The following HDAC10 variants were observed in gnomAD, a reference collection of about 807,000 sequenced individuals.
HDAC10 encodes polyamine deacetylase HDAC10.
Under a neutral mutation model 82.3 loss-of-function variants are expected in HDAC10, and 90 were observed. The observed-to-expected ratio is 1.09, with a 90% confidence interval of 0.92 to 1.30. The LOEUF (loss-of-function observed/expected upper bound fraction) is 1.30. Among genes scored for constraint, HDAC10 ranks in the 50% most tolerant of loss-of-function variants. The probability of loss-of-function intolerance (pLI) is 0.00; values close to 1 mark genes in which losing one functional copy is unlikely to be tolerated. For synonymous variants in HDAC10, 456 were observed against 391.7 expected (o/e 1.16, Z -1.94); for missense variants, 934 against 876.3 (o/e 1.07, Z -0.83).
chr22:50,248,186 G>A lies in HDAC10; in HGVS notation c.1081+39C>T, dbSNP rs773275555. 22 of 1,601,792 alleles carry A rather than the reference G, an allele frequency of 1.4e-5. No individual in the cohort carries two copies. Among genetic ancestry groups the A allele is most frequent in the Admixed American group, 1.3e-4 (8 of 59,428 alleles). ...AGTCATAGCCACTGCACAGGAGCCC[G>A]AGGTGGGATCCTGCAGCCTAGCACC... On this transcript the variant is annotated intron_variant, in intron 12 of 19. Coordinates refer to ENST00000216271, the MANE Select transcript of HDAC10 (RefSeq NM_032019.6). The surrounding 1 kb of genome is among the most constrained non-coding windows in gnomAD (Gnocchi z 5.4).
rs755579374 is a variant in HDAC10 at position 50,246,919 on chromosome 22, G to GGTGGCTGCTGCAGCAGAGGCTGGA, written c.1446_1469dup (p.Pro483_Thr490dup). ...GGCCTCTCCGAACAGCCACATCCAG[G>GGTGGCTGCTGCAGCAGAGGCTGGA]GTGGCTGCTGCAGCAGAGGCTGGAG... is the stretch of plus-strand genomic sequence containing the variant. On this transcript the variant is annotated inframe_insertion, in exon 15 of 20. Coordinates refer to ENST00000216271, the MANE Select transcript of HDAC10 (RefSeq NM_032019.6). 26 of 1,612,048 alleles carry GGTGGCTGCTGCAGCAGAGGCTGGA rather than the reference G, an allele frequency of 1.6e-5. No individual in the cohort carries two copies. Among genetic ancestry groups the GGTGGCTGCTGCAGCAGAGGCTGGA allele is most frequent in the Non-Finnish European group, 2.1e-5 (25 of 1,179,228 alleles).
At chr22:50,250,579 G>A (rs1411471017) in intron 2 of HDAC10, 56 bp from the exon 3 acceptor site, 19 of 1,439,138 alleles carry the variant, frequency 1.3e-5, no homozygotes, top group Admixed American at 1.7e-5. Flanking sequence ...GCAGGGGGGC[G>A]GGAGGCGGGG....
In HDAC10 at chr22:50,251,250, G is replaced by T. The variant is rs1167371274; in HGVS notation, c.-218C>A. 3 of 479,322 alleles carry T rather than the reference G, an allele frequency of 6.3e-6. No individual in the cohort carries two copies. The highest frequency in any genetic ancestry group is 4.1e-5 in the African/African-American group (2 of 48,978). 29.7% of individuals were successfully genotyped at this position (479,322 alleles called of 1,614,324 possible). The stretch of plus-strand genomic sequence containing the variant: ...CGGAGCGAGGCTGCAGTCGAAGGGG[G>T]AGGCTCCCCGCGCCTGGCTTCCGGC... On this transcript the variant is annotated 5_prime_UTR_variant, in exon 1 of 20. Coordinates refer to ENST00000216271, the MANE Select transcript of HDAC10 (RefSeq NM_032019.6).
At position 50,247,893 on chromosome 22, in the gene HDAC10, GC is replaced by G; in HGVS notation, c.1333del (p.Ala445ProfsTer23). On this transcript the variant is annotated frameshift_variant, in exon 13 of 20. Coordinates refer to ENST00000216271, the MANE Select transcript of HDAC10 (RefSeq NM_032019.6). LOFTEE classifies it high-confidence loss of function. ...SALREETEAWARPHESLAREE... is the reference protein window; with the variant it reads ...SALREETEAWXRPHESLAREE... The stretch of plus-strand genomic sequence containing the variant: ...TCCCCAGGCCAGCCCTGCCCACCTG[GC>G]CCAGGCTTCTGTCTCCTCCCTCAGG... 1 of 1,612,650 alleles carries G rather than the reference GC, an allele frequency of 6.2e-7. No homozygotes were observed. The highest frequency in any genetic ancestry group is 8.5e-7 in the Non-Finnish European group (1 of 1,179,932).
At chr22:50,246,466 C>T in intron 16 of HDAC10, 90 bp from the exon 17 acceptor site, 1 of 1,205,426 alleles carries the variant, frequency 8.3e-7, no homozygotes. Flanking sequence ...ATTCACGGGG[C>T]CATGGGCAGG....
rs776658484 is a variant in HDAC10, at chr22:50,250,869, G to C, written c.96C>G (p.Thr32=). The change falls in exon 2 of 20, where the codon ACC becomes ACG. Residue 32 remains threonine, a synonymous_variant. Transcript: ENST00000216271. ...ECEIERPERL[T]AALDRLRQRG... The stretch of plus-strand genomic sequence containing the variant: ...GCTGCCGCAGGCGATCCAGGGCTGC[G>C]GTCAGGCGCTCAGGACGCTCGATCT... 2.5e-6 allele frequency: 4 copies of C among 1,601,844 alleles called. No individual in the cohort carries two copies. The highest frequency in any genetic ancestry group is 3.4e-6 in the Non-Finnish European group (4 of 1,174,948).
Position 50,250,056 on chromosome 22 carries a change from C to T in HDAC10, c.389+7G>A, listed in dbSNP as rs2065049726. On this transcript the variant is annotated splice_region_variant and intron_variant, in intron 4 of 19. Transcript: ENST00000216271. Reference sequence around the variant, plus strand: ...GAGGAGCAGCCAGGGGAAGGGGCAGCTCTCACCTCACCAGGGCAAGCCCAT... The same window carrying T: ...GAGGAGCAGCCAGGGGAAGGGGCAGTTCTCACCTCACCAGGGCAAGCCCAT... 3.1e-6 allele frequency: 5 copies of T among 1,612,396 alleles called. No individual in the cohort carries two copies. The highest frequency in any genetic ancestry group is 4.2e-6 in the Non-Finnish European group (5 of 1,179,616).
chr22:50,250,689 G>T, intron 2 of HDAC10, 82 bp downstream of exon 2: 1 of 1,420,452 alleles, frequency 7.0e-7, no homozygotes, highest in Non-Finnish European at 9.5e-7. Flanking sequence ...AGGCTGGCAG[G>T]CTCGGGGTAG....
chr22:50,249,829 C>T lies in HDAC10; in HGVS notation c.494+31G>A. On this transcript the variant is annotated intron_variant, in intron 5 of 19. Transcript: ENST00000216271. This position sits in a 1 kb window ranked among gnomAD's most constrained non-coding sequence, Gnocchi z 4.4. ...GCTGCCCCTTGCTGTGTGGCCTGGG[C>T]CCACCCCCCTGCAGCCAGCCTGGCA... 6.2e-7 allele frequency: 1 copy of T among 1,605,804 alleles called. No individual in the cohort carries two copies. Among genetic ancestry groups the T allele is most frequent in the Non-Finnish European group, 8.5e-7 (1 of 1,174,642 alleles).
rs760123141 is a variant in HDAC10 at position 50,248,477 on chromosome 22, G to C, written c.907-5C>G. 6.2e-7 allele frequency: 1 copy of C among 1,602,706 alleles called. No homozygotes were observed. The highest frequency in any genetic ancestry group is 8.5e-7 in the Non-Finnish European group (1 of 1,178,358). ...TGACTCCAGGTGGTAGCCGCCCTGG[G>C]AGGAGGGTGGAGACATGATTGGGGC... is the stretch of plus-strand genomic sequence containing the variant. On this transcript the variant is annotated splice_polypyrimidine_tract_variant and splice_region_variant and intron_variant, in intron 10 of 19. Transcript: ENST00000216271. This position sits in a 1 kb window ranked among gnomAD's most constrained non-coding sequence, Gnocchi z 5.4.
In HDAC10 at chr22:50,248,557, C is replaced by T. The variant is rs546365174; in HGVS notation, c.907-85G>A. 17 of 1,488,612 alleles carry T rather than the reference C, an allele frequency of 1.1e-5. No homozygotes were observed. Among genetic ancestry groups the T allele is most frequent in the Admixed American group, 2.0e-5 (1 of 49,544 alleles). 92.2% of individuals were successfully genotyped at this position (1,488,612 alleles called of 1,614,324 possible). On this transcript the variant is annotated intron_variant, in intron 10 of 19. Transcript: ENST00000216271. This position sits in a 1 kb window ranked among gnomAD's most constrained non-coding sequence, Gnocchi z 5.4. The stretch of plus-strand genomic sequence containing the variant: ...GGAGAGCCCCTGCCTGGCTCTATCC[C>T]GGGCAGGACGCCCCTCCCAAATACC...
chr22:50,246,648 G>A lies in HDAC10; in HGVS notation c.1571+31C>T, dbSNP rs373314784. The A allele has an allele frequency of 2.4e-5, 38 of 1,603,650 alleles. No individual in the cohort carries two copies. In the African/African-American group the frequency reaches 4.3e-4, roughly 18 times the overall value. On this transcript the variant is annotated intron_variant, in intron 16 of 19. Transcript: ENST00000216271. ...CATCACATGCCCGTCCACATGCATG[G>A]CTGGACATATGCAAGACCTGAGAGT... is the stretch of plus-strand genomic sequence containing the variant.
intron 3 of HDAC10, 89 bp from the exon 4 acceptor site, chr22:50,250,249 C>T: frequency 2.2e-6 from 3 of 1,363,556 alleles, no homozygotes; most frequent in Non-Finnish European, 3.1e-6. Flanking sequence ...TGCAAGACAC[C>T]AGCTGCTGAG....
Position 50,250,076 on chromosome 22 carries a change from G to A in HDAC10, c.376C>T (p.Leu126Phe), listed in dbSNP as rs924135314. The A allele has an allele frequency of 1.9e-6, 3 of 1,612,718 alleles. No homozygotes were observed. Among genetic ancestry groups the A allele is most frequent in the Non-Finnish European group, 2.5e-6 (3 of 1,179,892 alleles). ...AVLTGAVQNG[L>F]ALVRPPGHHG... Reference sequence around the variant, plus strand: ...GGCAGCTCTCACCTCACCAGGGCAAGCCCATTTTGCACAGCTCCAGTGAGC... The same window carrying A: ...GGCAGCTCTCACCTCACCAGGGCAAACCCATTTTGCACAGCTCCAGTGAGC... The change falls in exon 4 of 20, where the codon CTT becomes TTT. Residue 126 changes from leucine (L) to phenylalanine (F), a missense_variant. Leu to Phe is a conservative substitution (Grantham distance 22). Coordinates refer to ENST00000216271, the MANE Select transcript of HDAC10 (RefSeq NM_032019.6).
intron 14 of HDAC10, 89 bp downstream of exon 14, chr22:50,247,603 C>T (rs1391097180): frequency 2.2e-6 from 2 of 923,352 alleles, no homozygotes; most frequent in Admixed American, 2.3e-5. Context: ...ACCACCCAGC[C>T]CTCCTCTGGA....
rs771119405 is a variant in HDAC10 at position 50,245,938 on chromosome 22, C to T, written c.1805G>A (p.Gly602Glu). The T allele has an allele frequency of 1.9e-6, 3 of 1,592,780 alleles. No homozygotes were observed. The highest frequency in any genetic ancestry group is 2.6e-6 in the Non-Finnish European group (3 of 1,170,528). ...LLAAMLRGLA[G>E]GRVLALLEEN... is the part of the protein sequence containing the mutation. ...CTCCAGGAGGGCCAGGACTCGGCCC[C>T]CTGCCAGCCCCCGAAGCATTGCAGC... Residue 602 changes from glycine (G) to glutamate (E), a missense_variant, in exon 18 of 20, where the codon GGG (glycine) becomes GAG (glutamate). Gly to Glu is a moderately conservative substitution (Grantham distance 98). Coordinates refer to ENST00000216271, the MANE Select transcript of HDAC10 (RefSeq NM_032019.6).
chr22:50,250,274 C>T lies in HDAC10; in HGVS notation c.292-114G>A, dbSNP rs73893147. ...CAGCTGCTGAGCAGAACAGGCCAGC[C>T]CCAGGCTCTGGCAGTGCCAGCAGGC... On this transcript the variant is annotated intron_variant, in intron 3 of 19. Coordinates refer to ENST00000216271, the MANE Select transcript of HDAC10 (RefSeq NM_032019.6). 0.014 allele frequency: 17,100 copies of T among 1,241,646 alleles called. 1,768 individuals are homozygous for T. The African/African-American group carries it at 0.23, about 16-fold the overall frequency. 76.9% of individuals were successfully genotyped at this position (1,241,646 alleles called of 1,614,324 possible).
In HDAC10 at chr22:50,251,175, G is replaced by A; in HGVS notation, c.-143C>T. 1.2e-6 allele frequency: 1 copy of A among 800,278 alleles called. No individual in the cohort carries two copies. The highest frequency in any genetic ancestry group is 1.7e-5 in the South Asian group (1 of 58,064). The allele number at this position is 800,278 out of a possible 1,614,324, so 49.6% of individuals were successfully genotyped here. On this transcript the variant is annotated 5_prime_UTR_variant, in exon 1 of 20. Coordinates refer to ENST00000216271, the MANE Select transcript of HDAC10 (RefSeq NM_032019.6). Reference sequence around the variant, plus strand: ...GGGCGGCGGGCACCGGCCTGGGCGGGAGCGCACAGAACCTAGGCAGGCTCC... The same window carrying A: ...GGGCGGCGGGCACCGGCCTGGGCGGAAGCGCACAGAACCTAGGCAGGCTCC...
rs1160760558 is a variant in HDAC10, at chr22:50,245,256, G to A, written c.*251C>T. The A allele has an allele frequency of 6.8e-6, 4 of 590,988 alleles. No individual in the cohort carries two copies. Among genetic ancestry groups the A allele is most frequent in the African/African-American group, 1.9e-5 (1 of 52,718 alleles). 36.6% of individuals were successfully genotyped at this position (590,988 alleles called of 1,614,324 possible). On this transcript the variant is annotated 3_prime_UTR_variant, in exon 20 of 20. Coordinates refer to ENST00000216271, the MANE Select transcript of HDAC10 (RefSeq NM_032019.6). ...GCAGCGGGGCGCAGGGGCCGGAACGGGACCGAGCGTGGGTTGCATGGGCCT... is the reference window on the plus strand; with the variant it reads ...GCAGCGGGGCGCAGGGGCCGGAACGAGACCGAGCGTGGGTTGCATGGGCCT...
Sources: gnomAD v4.1 joint callset for allele counts on GRCh38, gnomAD v4.1.1 for gene constraint, Gnocchi (gnomAD v3.1) non-coding constraint, MANE v1.5 for transcripts, NCBI Gene and HGNC (gene_info 2026-07-23, HGNC 2026-07-21) for gene names.